Variants in EIF4G3 observed in about 807,000 individuals in gnomAD.
EIF4G3 encodes the protein eIF-4-gamma 3.
In EIF4G3, 34 loss-of-function variants were observed where a neutral mutation model predicts 186.4. The observed-to-expected ratio is 0.18, with a 90% confidence interval of 0.14 to 0.24. EIF4G3 has a LOEUF of 0.24. Among genes scored for constraint, EIF4G3 ranks in the 10% least tolerant of loss-of-function variants. The probability of loss-of-function intolerance (pLI) is 1.00; values close to 1 mark genes in which losing one functional copy is unlikely to be tolerated. For synonymous variants in EIF4G3, 673 were observed against 679.5 expected (o/e 0.99, Z 0.15); for missense variants, 1,536 against 1,948.5 (o/e 0.79, Z 3.99).
At chr1:21,113,891 C>A (rs1433137127) in intron 2 of EIF4G3, among the ~76,000 whole-genome samples, 1 of 152,168 alleles carries the variant, frequency 6.6e-6, no homozygotes, top group African/African-American at 2.4e-5. Context: ...TGGCACATGC[C>A]TGTATTCCCA....
intron 2 of EIF4G3, among the ~76,000 whole-genome samples, chr1:21,169,975 G>A (rs1294940085): frequency 6.6e-6 from 1 of 152,030 alleles, no homozygotes; most frequent in Non-Finnish European, 1.5e-5. Context: ...AGGAGATTGA[G>A]AACATCTTGA....
intron 23 of EIF4G3, among the ~76,000 whole-genome samples, chr1:20,861,685 T>C (rs2076373356): frequency 6.6e-6 from 1 of 152,192 alleles, no homozygotes; most frequent in South Asian, 2.1e-4. Context: ...GATTACAAAT[T>C]GCAAGTGGCT....
intron 29 of EIF4G3, among the ~76,000 whole-genome samples, chr1:20,843,620 G>T (rs1571485829): frequency 1.3e-5 from 2 of 152,082 alleles, no homozygotes; most frequent in African/African-American, 4.8e-5. Flanking sequence ...TGCATAAAGG[G>T]TCAATTAGCT....
At chr1:21,105,570 T>C (rs1422211141) in intron 2 of EIF4G3, among the ~76,000 whole-genome samples, 1 of 151,510 alleles carries the variant, frequency 6.6e-6, no homozygotes, top group African/African-American at 2.4e-5. Flanking sequence ...AAAAATAAAA[T>C]AGTGAAAATG....
intron 29 of EIF4G3, among the ~76,000 whole-genome samples, chr1:20,847,434 C>T (rs2071516494): frequency 6.6e-6 from 1 of 152,152 alleles, no homozygotes; most frequent in South Asian, 2.1e-4. Context: ...TCCTATTGTA[C>T]TCTTTAGGTG....
chr1:20,877,515 T>C (rs1319578788), intron 20 of EIF4G3, among the ~76,000 whole-genome samples: 1 of 152,196 alleles, frequency 6.6e-6, no homozygotes, highest in Non-Finnish European at 1.5e-5. Flanking sequence ...ATATAAAGCC[T>C]CTATCCATAT....
At chr1:20,835,234 C>T (rs1476411024) in intron 30 of EIF4G3, among the ~76,000 whole-genome samples, 1 of 151,870 alleles carries the variant, frequency 6.6e-6, no homozygotes, top group Admixed American at 6.6e-5. Context: ...AAAAGTGCTC[C>T]TAAGAGGGAA....
At chr1:21,078,219 G>C (rs531078988) in intron 3 of EIF4G3, among the ~76,000 whole-genome samples, 5 of 152,188 alleles carry the variant, frequency 3.3e-5, no homozygotes, top group Non-Finnish European at 7.3e-5. Context: ...ATCAATGTAA[G>C]TATCCATCAA....
chr1:20,998,003 T>C (rs2154568544), intron 6 of EIF4G3, among the ~76,000 whole-genome samples: 1 of 151,846 alleles, frequency 6.6e-6, no homozygotes, highest in African/African-American at 2.4e-5. Flanking sequence ...AAATCAAGTA[T>C]GCTGTATGTA....
chr1:20,823,075 C>T (rs2062801304), intron 33 of EIF4G3, among the ~76,000 whole-genome samples: 1 of 151,926 alleles, frequency 6.6e-6, no homozygotes, highest in Non-Finnish European at 1.5e-5. Context: ...TAATGTGCTT[C>T]TTCTTCCCAG....
intron 2 of EIF4G3, among the ~76,000 whole-genome samples, chr1:21,154,252 T>C (rs2102847845): frequency 6.6e-6 from 1 of 152,316 alleles, no homozygotes; most frequent in South Asian, 2.1e-4. Context: ...ATGTTATACA[T>C]GCTCAGACAC....
At chr1:20,952,360 T>TA (rs2096257973) in intron 12 of EIF4G3, among the ~76,000 whole-genome samples, 1 of 152,094 alleles carries the variant, frequency 6.6e-6, no homozygotes, top group African/African-American at 2.4e-5. Context: ...TTCACCATGT[T>TA]AGCCAGGGTG....
At chr1:20,996,570 C>T (rs2082327170) in intron 7 of EIF4G3, among the ~76,000 whole-genome samples, 2 of 152,092 alleles carry the variant, frequency 1.3e-5, no homozygotes, top group Admixed American at 6.6e-5. Context: ...TAAACAATAT[C>T]CATTTACTCA....
intron 3 of EIF4G3, among the ~76,000 whole-genome samples, chr1:21,062,880 G>A (rs1442037598): frequency 6.6e-6 from 1 of 151,988 alleles, no homozygotes; most frequent in African/African-American, 2.4e-5. Context: ...CGTGAGCCAC[G>A]GTGCCCAGCC....
At chr1:20,989,178 T>C (rs1160168283) in intron 7 of EIF4G3, among the ~76,000 whole-genome samples, 1 of 148,642 alleles carries the variant, frequency 6.7e-6, no homozygotes, top group Non-Finnish European at 1.5e-5. Flanking sequence ...ATTCCAATAC[T>C]CATGGATTAC....
intron 18 of EIF4G3, among the ~76,000 whole-genome samples, chr1:20,890,321 A>C (rs1260306504): frequency 6.6e-6 from 1 of 152,138 alleles, no homozygotes; most frequent in African/African-American, 2.4e-5. Context: ...TACCTCATAG[A>C]TTTTAATATC....
At chr1:20,834,084 T>G (rs12080774) in intron 30 of EIF4G3, among the ~76,000 whole-genome samples, 3,965 of 152,284 alleles carry the variant, frequency 0.026, 167 homozygotes, top group African/African-American at 0.089. Context: ...AGTCCTTATC[T>G]ATCAATAATT....
intron 4 of EIF4G3, among the ~76,000 whole-genome samples, chr1:21,010,316 A>G (rs534272180): frequency 1.3e-5 from 2 of 150,906 alleles, no homozygotes; most frequent in African/African-American, 4.9e-5. Context: ...GCTACTCGGG[A>G]GGCTGAGGCA....
intron 4 of EIF4G3, among the ~76,000 whole-genome samples, chr1:21,045,690 TTAAC>T (rs1365962469): frequency 2.0e-5 from 3 of 152,128 alleles, no homozygotes; most frequent in Non-Finnish European, 4.4e-5. Flanking sequence ...TTCGTGAAAA[TTAAC>T]TAAGTTAAAG....
Sources: gnomAD v4.1 joint callset for allele counts (sites outside exome capture counted in the v4.1 genomes callset) on GRCh38, gnomAD v4.1.1 for gene constraint, MANE v1.5 for transcripts, NCBI Gene and HGNC (gene_info 2026-07-23, HGNC 2026-07-21) for gene names.